PHACTR1: variants seen among roughly 807,000 people sequenced by gnomAD.
The protein encoded by PHACTR1 is phosphatase and actin regulator 1.
Under a neutral mutation model 69.2 loss-of-function variants are expected in PHACTR1, and 16 were observed. That is an observed-to-expected ratio of 0.23 (90% CI 0.16 to 0.35). The LOEUF (loss-of-function observed/expected upper bound fraction) is 0.35, where lower values mean the gene tolerates loss of function less well. Ranked by LOEUF, PHACTR1 falls within the 10% of genes least tolerant of loss-of-function variation. The pLI, the probability that PHACTR1 is intolerant of heterozygous loss-of-function variation, is 1.00. For synonymous variants in PHACTR1, 312 were observed against 284.5 expected, an observed-to-expected ratio of 1.10 and a Z score of -0.97; for missense variants, 510 against 734.7, an observed-to-expected ratio of 0.69 and a Z score of 3.54.
At chr6:13,212,800 A>G (rs1340879046) in intron 8 of PHACTR1, among the ~76,000 whole-genome samples, 12 of 152,030 alleles carry the variant, frequency 7.9e-5, no homozygotes, top group East Asian at 7.7e-4. Context: ...CCTTCCCTCA[A>G]ATATCCTCAG....
intron 4 of PHACTR1, among the ~76,000 whole-genome samples, chr6:12,931,978 A>G (rs1031404697): frequency 6.6e-6 from 1 of 151,932 alleles, no homozygotes; most frequent in Admixed American, 6.6e-5. Flanking sequence ...GACCAGCTGT[A>G]TCAGCATCAT....
chr6:12,745,136 T>C (rs1765608904), intron 3 of PHACTR1, among the ~76,000 whole-genome samples: 1 of 152,176 alleles, frequency 6.6e-6, no homozygotes, highest in Admixed American at 6.5e-5. Context: ...TAAGGTTTAC[T>C]TACTTGAAAA....
chr6:12,784,284 A>G (rs917452797), intron 4 of PHACTR1, among the ~76,000 whole-genome samples: 1 of 151,902 alleles, frequency 6.6e-6, no homozygotes, highest in Non-Finnish European at 1.5e-5. Flanking sequence ...GATACTATAT[A>G]CATGCACACA....
chr6:12,719,780 T>A (rs557362937), intron 3 of PHACTR1, among the ~76,000 whole-genome samples: 1 of 152,326 alleles, frequency 6.6e-6, no homozygotes, highest in South Asian at 2.1e-4. Flanking sequence ...TGTCTGGGCT[T>A]TCCCAAGTGG....
chr6:13,031,538 T>G (rs1004969865), intron 4 of PHACTR1, among the ~76,000 whole-genome samples: 1 of 152,214 alleles, frequency 6.6e-6, no homozygotes, highest in African/African-American at 2.4e-5. Flanking sequence ...ATCTGATTCT[T>G]CTCATATGAA....
At chr6:13,003,946 T>G in intron 4 of PHACTR1, among the ~76,000 whole-genome samples, 1 of 119,214 alleles carries the variant, frequency 8.4e-6, no homozygotes, top group South Asian at 2.6e-4. Context: ...GGCTCAGTAG[T>G]ATTCCTATAT....
intron 4 of PHACTR1, among the ~76,000 whole-genome samples, chr6:12,845,429 A>ACACCCC (rs1420703977): frequency 5.5e-5 from 1 of 18,028 alleles, no homozygotes; most frequent in Non-Finnish European, 9.9e-5. Context: ...AACACCACCC[A>ACACCCC]CCCCCCCCCC....
At chr6:13,234,603 GT>G (rs1392947921) in intron 10 of PHACTR1, among the ~76,000 whole-genome samples, 2 of 152,090 alleles carry the variant, frequency 1.3e-5, no homozygotes, top group African/African-American at 4.8e-5. Context: ...GAAACACCAA[GT>G]AAAATGATGT....
intron 6 of PHACTR1, among the ~76,000 whole-genome samples, chr6:13,167,191 G>T (rs1200990654): frequency 1.3e-5 from 2 of 152,156 alleles, no homozygotes; most frequent in Non-Finnish European, 2.9e-5. Flanking sequence ...ATGCACATTG[G>T]TTATCTGAGA....
At chr6:13,032,292 T>C (rs1323607230) in intron 4 of PHACTR1, among the ~76,000 whole-genome samples, 1 of 152,226 alleles carries the variant, frequency 6.6e-6, no homozygotes, top group Non-Finnish European at 1.5e-5. Context: ...AACGTTAAGT[T>C]CAGCTTATTT....
At chr6:13,195,781 G>A (rs1371017932) in intron 7 of PHACTR1, among the ~76,000 whole-genome samples, 90 of 35,930 alleles carry the variant, frequency 2.5e-3, no homozygotes, top group African/African-American at 4.6e-3. Context: ...AAAAAAAAAA[G>A]TTCATTTGTG....
chr6:12,921,127 A>G (rs1204903429), intron 4 of PHACTR1, among the ~76,000 whole-genome samples: 5 of 152,218 alleles, frequency 3.3e-5, no homozygotes, highest in African/African-American at 1.2e-4. Context: ...GCACCTGGGA[A>G]TGGGCACCTC....
At chr6:13,081,370 A>C (rs190662434) in intron 5 of PHACTR1, among the ~76,000 whole-genome samples, 1 of 152,294 alleles carries the variant, frequency 6.6e-6, no homozygotes, top group Non-Finnish European at 1.5e-5. Flanking sequence ...AACAGGTCAA[A>C]TTTTATGTTT....
chr6:13,209,949 C>T (rs981821919), intron 8 of PHACTR1, among the ~76,000 whole-genome samples: 2 of 152,148 alleles, frequency 1.3e-5, no homozygotes, highest in African/African-American at 2.4e-5. Context: ...CCATCTTGTT[C>T]GTGTTCCCCT....
Position 13,195,523 on chromosome 6 carries a change from G to A in PHACTR1, c.665-10292G>A, listed in dbSNP as rs185105489. 6.6e-5 allele frequency among the ~76,000 whole-genome samples: 10 copies of A among 152,046 alleles called. No individual in the cohort carries two copies. The East Asian group carries it at 1.7e-3, about 27-fold the overall frequency. On this transcript the variant is annotated intron_variant, in intron 7 of 14. Coordinates refer to ENST00000332995, the MANE Select transcript of PHACTR1 (RefSeq NM_030948.6). ...TGTAATCCCAGCACTTCAGGAGGCC[G>A]AGATGAAGGGATCACTTGAGGTTGG...
chr6:13,015,138 T>G (rs1056462316), intron 4 of PHACTR1, among the ~76,000 whole-genome samples: 1 of 152,202 alleles, frequency 6.6e-6, no homozygotes, highest in Non-Finnish European at 1.5e-5. Flanking sequence ...TGCTGTTCCT[T>G]TTGGAAGAAC....
At chr6:12,779,376 A>G (rs1205491352) in intron 4 of PHACTR1, among the ~76,000 whole-genome samples, 1 of 152,074 alleles carries the variant, frequency 6.6e-6, no homozygotes, top group Non-Finnish European at 1.5e-5. Context: ...CTCTTTTTTC[A>G]TTTAATTTTT....
Position 12,829,889 on chromosome 6 carries a change from C to A in PHACTR1, c.250+80099C>A, listed in dbSNP as rs979879098. Among the ~76,000 whole-genome samples the A allele has an allele frequency of 4.2e-4, 61 of 146,968 alleles. 1 individual carries two copies. The highest frequency in any genetic ancestry group is 1.4e-3 in the African/African-American group (55 of 39,502). ...AGGAGAATCGCTTGAACCCAGGAGG[C>A]GGAGGTTGCAGTGAGCCAAGATTGT... On this transcript the variant is annotated intron_variant, in intron 4 of 14. Coordinates refer to ENST00000332995, the MANE Select transcript of PHACTR1 (RefSeq NM_030948.6).
chr6:12,722,918 G>T (rs1762303500), intron 3 of PHACTR1, among the ~76,000 whole-genome samples: 1 of 152,208 alleles, frequency 6.6e-6, no homozygotes. Context: ...AGAGGTTAGA[G>T]ATACACATGG....
Sources: gnomAD v4.1 joint callset for allele counts (sites outside exome capture counted in the v4.1 genomes callset) on GRCh38, gnomAD v4.1.1 for gene constraint, MANE v1.5 for transcripts, NCBI Gene and HGNC (gene_info 2026-07-23, HGNC 2026-07-21) for gene names.